Variants in OSGIN1 observed in about 807,000 individuals in gnomAD.
The protein encoded by OSGIN1 is oxidative stress induced growth inhibitor 1.
OSGIN1 carries 19 observed loss-of-function variants against 20.1 expected under a neutral mutation model. That is an observed-to-expected ratio of 0.95 (90% CI 0.66 to 1.39). The LOEUF (loss-of-function observed/expected upper bound fraction) is 1.39, where lower values mean the gene tolerates loss of function less well. OSGIN1 is among the 40% of genes most tolerant of loss of function. The pLI is 0.00. For synonymous variants in OSGIN1, 368 were observed against 297.8 expected (o/e 1.24, Z -2.43); for missense variants, 820 against 653.0 (o/e 1.26, Z -2.79).
rs71390958 is a variant in OSGIN1 at position 83,957,852 on chromosome 16, G to GTGTATTT, written c.67+115_67+116insGTATTTT. 1,766 of 409,110 alleles carry GTGTATTT rather than the reference G, an allele frequency of 4.3e-3. 25 individuals are homozygous for GTGTATTT. The highest frequency in any genetic ancestry group is 0.036 in the African/African-American group (1,589 of 43,906). 25.3% of individuals were successfully genotyped at this position (409,110 alleles called of 1,614,324 possible). A position where few individuals can be genotyped will look rare whatever the true frequency, so the allele number is the denominator to read the frequency against. ...CCTGGTGTCTTTTTTCGTTTTTGGG[G>GTGTATTT]TTTATTTTTTATTTATTTATTTATT... is the stretch of plus-strand genomic sequence containing the variant. On this transcript the variant is annotated intron_variant, in intron 2 of 5. Transcript: ENST00000393306.
chr16:83,953,349 C>T lies in OSGIN1; in HGVS notation c.-54C>T, dbSNP rs967305263. 2.8e-5 allele frequency: 36 copies of T among 1,288,830 alleles called. No homozygotes were observed. The highest frequency in any genetic ancestry group is 3.3e-5 in the Non-Finnish European group (33 of 988,588). The allele number at this position is 1,288,830 out of a possible 1,614,324, so 79.8% of individuals were successfully genotyped here. A position where few individuals can be genotyped will look rare whatever the true frequency, so the allele number is the denominator to read the frequency against. On this transcript the variant is annotated 5_prime_UTR_variant, in exon 1 of 6. Coordinates refer to ENST00000393306, the MANE Select transcript of OSGIN1 (RefSeq NM_182981.3). ...GCACAACTTGGCCGGGCTCACTGGG[C>T]TCCTGCACCACTGCCTGTCAGGTGA... is the stretch of plus-strand genomic sequence containing the variant.
intron 5 of OSGIN1, among the ~76,000 whole-genome samples, chr16:83,962,186 G>C (rs1457889249): frequency 6.6e-6 from 1 of 152,042 alleles, no homozygotes; most frequent in Non-Finnish European, 1.5e-5. Context: ...GAAAAGGTTT[G>C]TGAACCCTGA....
rs367775600 is a variant in OSGIN1, at chr16:83,959,333, C to T, written c.141C>T (p.Ile47=). ...CACCCTACACGAAGCCAGATGCCAT[C>T]CACCCACACCCCCTGCTGCAGAGGA... ...GYTPYTKPDA[I]HPHPLLQRKL... Residue 47 remains isoleucine, a synonymous_variant, in exon 3 of 6, where the codon ATC becomes ATT. Coordinates refer to ENST00000393306, the MANE Select transcript of OSGIN1 (RefSeq NM_182981.3). 11 of 1,613,860 alleles carry T rather than the reference C, an allele frequency of 6.8e-6. No homozygotes were observed. Among genetic ancestry groups the T allele is most frequent in the Non-Finnish European group, 9.3e-6 (11 of 1,179,978 alleles).
intron 1 of OSGIN1, among the ~76,000 whole-genome samples, chr16:83,955,338 G>A (rs548823094): frequency 6.6e-6 from 1 of 152,298 alleles, no homozygotes; most frequent in South Asian, 2.1e-4. Context: ...CTGTCCCTCT[G>A]CCTCCCCGCC....
intron 5 of OSGIN1, 47 bp downstream of exon 5, chr16:83,961,119 G>T (rs760074091): frequency 1.4e-6 from 2 of 1,446,522 alleles, no homozygotes. Context: ...GGTTGGGCCT[G>T]TGAACCCAGA....
chr16:83,965,388 T>C lies in OSGIN1; in HGVS notation c.815T>C (p.Leu272Pro). The stretch of plus-strand genomic sequence containing the variant: ...TTCATCCACCATGAGCTGTCTGCCC[T>C]GGAGGCCGCCACAAGGGTGGGTGCG... Reference protein sequence around the residue: ...LPFIHHELSALEAATRVGAVT... With the variant: ...LPFIHHELSAPEAATRVGAVT... Residue 272 changes from leucine to proline, a missense_variant, in exon 6 of 6, where the codon CTG (leucine) becomes CCG (proline). By Grantham distance (98) the Leu-to-Pro change is moderately conservative. Transcript: ENST00000393306. The C allele has an allele frequency of 6.3e-7, 1 of 1,574,874 alleles. No individual in the cohort carries two copies. Among genetic ancestry groups the C allele is most frequent in the South Asian group, 1.2e-5 (1 of 85,712 alleles).
chr16:83,956,247 G>C (rs1047415463), intron 1 of OSGIN1, among the ~76,000 whole-genome samples: 12 of 152,212 alleles, frequency 7.9e-5, no homozygotes, highest in African/African-American at 2.7e-4. Flanking sequence ...GTGGACGAAG[G>C]TGTTTCTGTC....
Position 83,960,570 on chromosome 16 carries a change from A to T in OSGIN1, c.206A>T (p.Asp69Val). The T allele has an allele frequency of 1.2e-6, 2 of 1,612,714 alleles. No individual in the cohort carries two copies. Among genetic ancestry groups the T allele is most frequent in the South Asian group, 2.2e-5 (2 of 91,054 alleles). Reference sequence around the variant, plus strand: ...CCTCTGACCTATGCCCCCCTCCAGGACCTGGACTACCTGTCCGAAGGCCTC... The same window carrying T: ...CCTCTGACCTATGCCCCCCTCCAGGTCCTGGACTACCTGTCCGAAGGCCTC... ...EAPGVSILDQ[D>V]LDYLSEGLEG... The change falls in exon 4 of 6, where the codon GAC becomes GTC. Residue 69 changes from aspartate to valine, a missense_variant and splice_region_variant. Asp to Val is a radical substitution (Grantham distance 152, BLOSUM62 -3). Transcript: ENST00000393306.
chr16:83,959,238 A>T, intron 2 of OSGIN1, 22 bp from the exon 3 acceptor site: 1 of 1,608,624 alleles, frequency 6.2e-7, no homozygotes, highest in Non-Finnish European at 8.5e-7. Context: ...CACCCCCTTT[A>T]ACCTCCACCC....
intron 5 of OSGIN1, among the ~76,000 whole-genome samples, chr16:83,964,779 C>T (rs1375693040): frequency 3.3e-5 from 5 of 152,172 alleles, no homozygotes; most frequent in African/African-American, 1.2e-4. Flanking sequence ...GATTCGAGCC[C>T]AGGCAGCGGG....
chr16:83,958,221 C>T (rs781636065), intron 2 of OSGIN1, among the ~76,000 whole-genome samples: 2 of 152,194 alleles, frequency 1.3e-5, no homozygotes, highest in African/African-American at 2.4e-5. Context: ...AGCCATTGAG[C>T]GTTTACTATG....
chr16:83,953,919 T>C (rs1375746434), intron 1 of OSGIN1, among the ~76,000 whole-genome samples: 1 of 152,182 alleles, frequency 6.6e-6, no homozygotes, highest in Non-Finnish European at 1.5e-5. Context: ...GGGCTCCAGG[T>C]GTGCGGCACT....
At chr16:83,958,933 CA>C (rs1439657570) in intron 2 of OSGIN1, among the ~76,000 whole-genome samples, 1 of 152,176 alleles carries the variant, frequency 6.6e-6, no homozygotes, top group Non-Finnish European at 1.5e-5. Context: ...TGACCACAGG[CA>C]AGTAACTTAA....
chr16:83,959,176 C>T (rs185112942), intron 2 of OSGIN1, 84 bp from the exon 3 acceptor site: 50 of 877,906 alleles, frequency 5.7e-5, no homozygotes, highest in East Asian at 4.4e-4. Flanking sequence ...TGAATGAATG[C>T]GCCGCATCTA....
At chr16:83,957,508 A>G (rs141140983) in intron 1 of OSGIN1, 132 bp from the exon 2 acceptor site, 8,672 of 616,898 alleles carry the variant, frequency 0.014, 141 homozygotes, top group South Asian at 0.051. Context: ...GTCCCGTCAG[A>G]TATGTCTCAT....
chr16:83,960,428 C>A (rs1056843720), intron 3 of OSGIN1, 141 bp from the exon 4 acceptor site: 8 of 651,918 alleles, frequency 1.2e-5, no homozygotes, highest in Middle Eastern at 4.2e-4. Context: ...CAAACTACCC[C>A]CAGGGTGCGC....
intron 1 of OSGIN1, among the ~76,000 whole-genome samples, chr16:83,955,097 G>A (rs1597174927): frequency 6.6e-6 from 1 of 152,342 alleles, no homozygotes; most frequent in East Asian, 1.9e-4. Context: ...GAGGATCAAA[G>A]GAGGTGATGC....
chr16:83,965,181 G>T lies in OSGIN1; in HGVS notation c.608G>T (p.Trp203Leu). ...GGTGCTGTAGTCACAGCCGTGGAGT[G>T]GGGGACCCCCGATCCCAGCAGCTGT... ...VSGAVVTAVE[W>L]GTPDPSSCGA... The change falls in exon 6 of 6, where the codon TGG (tryptophan) becomes TTG (leucine). Residue 203 changes from tryptophan (W) to leucine (L), a missense_variant. Trp to Leu is a moderately conservative substitution (Grantham distance 61). Transcript: ENST00000393306. 2 of 1,613,324 alleles carry T rather than the reference G, an allele frequency of 1.2e-6. No homozygotes were observed. Among genetic ancestry groups the T allele is most frequent in the East Asian group, 4.5e-5 (2 of 44,884 alleles).
At chr16:83,959,418 G>A in intron 3 of OSGIN1, 22 bp downstream of exon 3, 1 of 1,611,888 alleles carries the variant, frequency 6.2e-7, no homozygotes, top group Admixed American at 1.7e-5. Context: ...TGGGGCCAGA[G>A]CTCTGGGTAG....
Sources: gnomAD v4.1 joint callset for allele counts (sites outside exome capture counted in the v4.1 genomes callset) on GRCh38, gnomAD v4.1.1 for gene constraint, MANE v1.5 for transcripts, NCBI Gene and HGNC (gene_info 2026-07-23, HGNC 2026-07-21) for gene names.